Variants in ASIC2 observed in about 807,000 individuals in gnomAD.
ASIC2 encodes the protein acid sensing ion channel subunit 2.
ASIC2 carries 25 observed loss-of-function variants against 57.3 expected under a neutral mutation model. The observed-to-expected ratio is 0.44, with a 90% confidence interval of 0.32 to 0.61. The LOEUF is 0.61. Ranked by LOEUF, ASIC2 falls within the 20% of genes least tolerant of loss-of-function variation. The pLI is 0.06. For synonymous variants in ASIC2, 319 were observed against 307.5 expected, an observed-to-expected ratio of 1.04 and a Z score of -0.39; for missense variants, 641 against 738.1, an observed-to-expected ratio of 0.87 and a Z score of 1.52.
At chr17:33,342,944 G>A (rs1238134202) in intron 1 of ASIC2, among the ~76,000 whole-genome samples, 1 of 152,164 alleles carries the variant, frequency 6.6e-6, no homozygotes, top group African/African-American at 2.4e-5. Flanking sequence ...ATGCTACTCA[G>A]GTGGACCAGA....
At chr17:33,680,880 T>G (rs1435860080) in intron 1 of ASIC2, 1 of 152,268 alleles carries the variant, frequency 6.6e-6, no homozygotes, top group East Asian at 1.9e-4. Flanking sequence ...CAGTAGTTTT[T>G]GCATGTAATT....
intron 1 of ASIC2, among the ~76,000 whole-genome samples, chr17:33,723,092 A>G (rs187178294): frequency 6.6e-6 from 1 of 152,330 alleles, no homozygotes; most frequent in Admixed American, 6.5e-5. Flanking sequence ...AGAAAAATGC[A>G]CATAGCCCAA....
chr17:33,565,465 A>AT (rs2141987283), intron 1 of ASIC2, among the ~76,000 whole-genome samples: 1 of 152,184 alleles, frequency 6.6e-6, no homozygotes, highest in South Asian at 2.1e-4. Context: ...CTGTACCATG[A>AT]TTTTCTTTGT....
rs959396437 is a variant in ASIC2, at chr17:33,402,647, A to G, written c.556-290580T>C. ...CCTTTTTATGGCTGTATGGTATTCC[A>G]TGGTGTATATGTACCACATTGTCTT... On this transcript the variant is annotated intron_variant, in intron 1 of 9. Coordinates refer to the ASIC2 transcript ENST00000359872. 2.6e-5 allele frequency among the ~76,000 whole-genome samples: 4 copies of G among 152,304 alleles called. No homozygotes were observed. The South Asian group carries it at 8.3e-4, about 32-fold the overall frequency.
intron 1 of ASIC2, among the ~76,000 whole-genome samples, chr17:33,537,524 C>A (rs2141965925): frequency 6.6e-6 from 1 of 152,260 alleles, no homozygotes; most frequent in South Asian, 2.1e-4. Context: ...TCACTGTATT[C>A]TCAGTGCACG....
intron 1 of ASIC2, among the ~76,000 whole-genome samples, chr17:33,171,334 G>A (rs915500874): frequency 1.3e-5 from 2 of 152,172 alleles, no homozygotes; most frequent in African/African-American, 4.8e-5. Context: ...TACTTAATAT[G>A]TTTTAGTAGT....
intron 1 of ASIC2, among the ~76,000 whole-genome samples, chr17:33,786,251 G>T (rs1911597173): frequency 6.6e-6 from 1 of 152,144 alleles, no homozygotes; most frequent in Non-Finnish European, 1.5e-5. Context: ...ACCCTTTCTG[G>T]TAATGGACAG....
At chr17:33,297,301 T>C (rs141860351), upstream of ASIC2, among the ~76,000 whole-genome samples, 805 of 152,190 alleles carry the variant, frequency 5.3e-3, 7 homozygotes, top group African/African-American at 0.018. Flanking sequence ...CCCTGTGGAG[T>C]ATAAGCCTAC....
chr17:34,132,043 T>C (rs1911989896), intron 1 of ASIC2, among the ~76,000 whole-genome samples: 1 of 152,222 alleles, frequency 6.6e-6, no homozygotes, highest in South Asian at 2.1e-4. Context: ...AAGTTTGATC[T>C]CTGGGCTTTC....
intron 1 of ASIC2, among the ~76,000 whole-genome samples, chr17:33,849,876 T>C (rs1352402769): frequency 1.3e-5 from 2 of 152,212 alleles, no homozygotes; most frequent in Non-Finnish European, 2.9e-5. Context: ...GGAAGCTCAC[T>C]TTTGCTGCAG....
At chr17:34,103,033 T>A (rs1426593723) in intron 1 of ASIC2, among the ~76,000 whole-genome samples, 1 of 152,258 alleles carries the variant, frequency 6.6e-6, no homozygotes, top group East Asian at 1.9e-4. Flanking sequence ...CTTTACACAT[T>A]CTGAATAGCA....
chr17:33,811,782 G>A (rs1050927463), intron 1 of ASIC2, among the ~76,000 whole-genome samples: 2 of 152,208 alleles, frequency 1.3e-5, no homozygotes, highest in Non-Finnish European at 2.9e-5. Flanking sequence ...CTGCTGGGAA[G>A]TGGTACAGCT....
At chr17:33,636,948 TACTCTAG>T (rs951065989) in intron 1 of ASIC2, among the ~76,000 whole-genome samples, 20 of 151,916 alleles carry the variant, frequency 1.3e-4, no homozygotes, top group Non-Finnish European at 2.9e-4. Flanking sequence ...AGGGGAGGTG[TACTCTAG>T]ACCCTCCAGC....
chr17:33,549,920 C>T (rs780200876), intron 1 of ASIC2, among the ~76,000 whole-genome samples: 89 of 152,282 alleles, frequency 5.8e-4, no homozygotes, highest in African/African-American at 2.0e-3. Flanking sequence ...TCTCATGGGG[C>T]GGCTAAACCT....
intron 1 of ASIC2, chr17:33,932,706 T>G (rs764438463): frequency 1.7e-3 from 61 of 35,762 alleles, no homozygotes; most frequent in Non-Finnish European, 2.3e-3. Context: ...AAAGCGAAAC[T>G]TTGTTTCAAA....
chr17:33,172,130 A>T (rs1336664249), intron 1 of ASIC2, among the ~76,000 whole-genome samples: 1 of 152,250 alleles, frequency 6.6e-6, no homozygotes, highest in East Asian at 1.9e-4. Context: ...TGATTGCATC[A>T]TGCCCCCTGA....
intron 1 of ASIC2, among the ~76,000 whole-genome samples, chr17:33,527,767 C>T (rs1346730438): frequency 6.6e-6 from 1 of 151,866 alleles, no homozygotes; most frequent in African/African-American, 2.4e-5. Flanking sequence ...TACAGAGAGG[C>T]TGTGTGGTGA....
chr17:33,564,009 T>C (rs1269779438), intron 1 of ASIC2, among the ~76,000 whole-genome samples: 2 of 152,180 alleles, frequency 1.3e-5, no homozygotes, highest in African/African-American at 4.8e-5. Flanking sequence ...ATCAGGGCCA[T>C]AGTCCTGACA....
chr17:33,852,472 G>A (rs1191819527), intron 1 of ASIC2, among the ~76,000 whole-genome samples: 2 of 152,154 alleles, frequency 1.3e-5, no homozygotes, highest in African/African-American at 2.4e-5. Flanking sequence ...CCAATTATGT[G>A]AAGGCACTAT....
Sources: gnomAD v4.1 joint callset for allele counts (sites outside exome capture counted in the v4.1 genomes callset) on GRCh38, gnomAD v4.1.1 for gene constraint, MANE v1.5 for transcripts, NCBI Gene and HGNC (gene_info 2026-07-23, HGNC 2026-07-21) for gene names.